RIT2: variants seen among roughly 807,000 people sequenced by gnomAD.
The protein encoded by RIT2 is Ras like without CAAX 2, also known as GTP-binding protein Rit2.
RIT2 carries 24 observed loss-of-function variants against 23.7 expected under a neutral mutation model. The observed-to-expected ratio is 1.01, with a 90% CI of 0.73 to 1.43. The LOEUF (loss-of-function observed/expected upper bound fraction) is 1.43, where lower values mean the gene tolerates loss of function less well. Among genes scored for constraint, RIT2 ranks in the 40% most tolerant of loss-of-function variants. The pLI is 0.00. For missense variants in RIT2, 236 were observed against 266.9 expected, an observed-to-expected ratio of 0.88 and a Z score of 0.81; for synonymous variants, 107 against 91.1, an observed-to-expected ratio of 1.17 and a Z score of -0.99.
At chr18:42,927,332 CTT>C (rs1297322561) in intron 3 of RIT2, among the ~76,000 whole-genome samples, 1 of 144,872 alleles carries the variant, frequency 6.9e-6, no homozygotes, top group Admixed American at 7.3e-5. Flanking sequence ...TATACCAACT[CTT>C]TACACAACAC....
At chr18:42,937,026 A>G (rs1040157086) in intron 3 of RIT2, among the ~76,000 whole-genome samples, 4 of 150,908 alleles carry the variant, frequency 2.7e-5, no homozygotes, top group African/African-American at 7.3e-5. Flanking sequence ...AAAAAAAAAA[A>G]GGAGAGAGAG....
intron 4 of RIT2, among the ~76,000 whole-genome samples, chr18:42,873,022 G>A (rs1054620817): frequency 1.3e-5 from 2 of 152,084 alleles, no homozygotes; most frequent in African/African-American, 4.8e-5. Context: ...CACTCTGAAA[G>A]CCAAAGATGT....
rs528097193 is a variant in RIT2 at position 42,941,119 on chromosome 18, G to T, written c.235-17356C>A. Among the ~76,000 whole-genome samples the T allele has an allele frequency of 5.3e-5, 8 of 152,276 alleles. 1 individual carries two copies. In the South Asian group the frequency reaches 1.7e-3, roughly 32 times the overall value. On this transcript the variant is annotated intron_variant, in intron 3 of 4. Coordinates refer to ENST00000326695, the MANE Select transcript of RIT2 (RefSeq NM_002930.4). ...GGGAAAGGAGCAATAGTTTGATCTT[G>T]AATGTGGGGAAGAAGGGATATCCAG... is the stretch of plus-strand genomic sequence containing the variant.
chr18:43,000,982 T>G (rs1000701924), intron 2 of RIT2, among the ~76,000 whole-genome samples: 3 of 152,078 alleles, frequency 2.0e-5, no homozygotes, highest in African/African-American at 4.8e-5. Flanking sequence ...AGCAGAAATA[T>G]CTGCATTTAT....
intron 4 of RIT2, among the ~76,000 whole-genome samples, chr18:42,907,088 A>C (rs920894445): frequency 1.3e-5 from 2 of 152,104 alleles, no homozygotes; most frequent in African/African-American, 4.8e-5. Context: ...GTCTGTATCT[A>C]CTGTTTTTTT....
chr18:42,797,310 G>A (rs865898260), intron 4 of RIT2, among the ~76,000 whole-genome samples: 4 of 152,198 alleles, frequency 2.6e-5, no homozygotes, highest in South Asian at 2.1e-4. Context: ...AGGACAAGAT[G>A]TGTTTACTCT....
chr18:42,930,207 G>C (rs1393901210), intron 3 of RIT2, among the ~76,000 whole-genome samples: 1 of 152,130 alleles, frequency 6.6e-6, no homozygotes, highest in Admixed American at 6.5e-5. Flanking sequence ...TCACAAGCAG[G>C]CAGCCCTATT....
At chr18:42,906,239 T>A (rs999620043) in intron 4 of RIT2, among the ~76,000 whole-genome samples, 1 of 151,988 alleles carries the variant, frequency 6.6e-6, no homozygotes, top group Non-Finnish European at 1.5e-5. Context: ...ATTATTATGA[T>A]TCTATTTGCC....
At chr18:42,836,104 T>C (rs992459002) in intron 4 of RIT2, among the ~76,000 whole-genome samples, 19 of 152,190 alleles carry the variant, frequency 1.2e-4, no homozygotes, top group African/African-American at 4.3e-4. Flanking sequence ...GAAAGAAAAT[T>C]TGGACAGTAA....
chr18:42,824,059 T>A (rs1906227398), intron 4 of RIT2, among the ~76,000 whole-genome samples: 1 of 152,116 alleles, frequency 6.6e-6, no homozygotes, highest in African/African-American at 2.4e-5. Context: ...TTAAATCAAA[T>A]AGTTATTCAG....
intron 2 of RIT2, among the ~76,000 whole-genome samples, chr18:43,002,678 T>G (rs529116557): frequency 6.6e-6 from 1 of 151,872 alleles, no homozygotes; most frequent in Non-Finnish European, 1.5e-5. Context: ...ATTTTAATTA[T>G]TTATCTGGAG....
At chr18:43,024,562 T>G (rs765942668) in intron 2 of RIT2, among the ~76,000 whole-genome samples, 24 of 152,012 alleles carry the variant, frequency 1.6e-4, no homozygotes, top group South Asian at 4.2e-4. Context: ...AATAGACAGA[T>G]AGAACTTAAT....
chr18:43,024,807 CACAA>C (rs988152743), intron 2 of RIT2, among the ~76,000 whole-genome samples: 9 of 151,276 alleles, frequency 5.9e-5, no homozygotes, highest in African/African-American at 2.2e-4. Context: ...AAAGAAGACA[CACAA>C]ACAGCCAACA....
At chr18:43,058,379 C>G (rs1316250360) in intron 1 of RIT2, among the ~76,000 whole-genome samples, 1 of 152,086 alleles carries the variant, frequency 6.6e-6, no homozygotes, top group Non-Finnish European at 1.5e-5. Flanking sequence ...TTTAGATTCA[C>G]CCGGGAGCTT....
At chr18:42,830,326 G>A (rs1256330073) in intron 4 of RIT2, among the ~76,000 whole-genome samples, 3 of 152,140 alleles carry the variant, frequency 2.0e-5, no homozygotes, top group Non-Finnish European at 4.4e-5. Context: ...CTGGTCTTCT[G>A]TTTTCTAGTC....
At chr18:42,968,038 C>T (rs2144196061) in intron 3 of RIT2, among the ~76,000 whole-genome samples, 1 of 152,118 alleles carries the variant, frequency 6.6e-6, no homozygotes, top group Middle Eastern at 3.4e-3. Flanking sequence ...TGATAGTCTC[C>T]CATGTCGTGA....
intron 4 of RIT2, among the ~76,000 whole-genome samples, chr18:42,824,573 T>A (rs1215483036): frequency 6.6e-6 from 1 of 152,048 alleles, no homozygotes; most frequent in Admixed American, 6.6e-5. Flanking sequence ...GAAGAGATAA[T>A]AACTGACATT....
intron 4 of RIT2, among the ~76,000 whole-genome samples, chr18:42,802,446 G>A (rs2143964023): frequency 6.6e-6 from 1 of 152,284 alleles, no homozygotes; most frequent in Middle Eastern, 3.4e-3. Flanking sequence ...AGTCTCGTGT[G>A]CAGTTTTAGG....
At position 42,908,375 on chromosome 18, in the gene RIT2, G is replaced by A. The variant is rs112377208; in HGVS notation, c.426+15197C>T. Among the ~76,000 whole-genome samples the A allele has an allele frequency of 1.1e-3, 172 of 152,232 alleles. 1 individual carries two copies. Among genetic ancestry groups the A allele is most frequent in the African/African-American group, 4.0e-3 (168 of 41,556 alleles). On this transcript the variant is annotated intron_variant, in intron 4 of 4. Transcript: ENST00000326695. ...AGAGAAATGGAGAGGAGCTAAGAAA[G>A]TATTCAAATAAATACTGGCTGAAAG...
Sources: allele counts gnomAD v4.1 joint callset (sites outside exome capture counted in the v4.1 genomes callset), GRCh38; gene constraint gnomAD v4.1.1; transcripts MANE v1.5; gene names NCBI Gene and HGNC (gene_info 2026-07-23, HGNC 2026-07-21).